The following SLC24A3 variants were observed in gnomAD, a reference collection of about 807,000 sequenced individuals.
SLC24A3 encodes sodium/potassium/calcium exchanger 3.
Under a neutral mutation model 75.8 loss-of-function variants are expected in SLC24A3, and 28 were observed. That is an observed-to-expected ratio of 0.37 (90% confidence interval 0.27 to 0.51). The LOEUF (loss-of-function observed/expected upper bound fraction) is 0.51, where lower values mean the gene tolerates loss of function less well. Ranked by LOEUF, SLC24A3 falls within the 20% of genes least tolerant of loss-of-function variation. SLC24A3 has a pLI of 0.94. For synonymous variants in SLC24A3, 372 were observed against 334.1 expected (o/e 1.11, Z -1.24); for missense variants, 663 against 847.8 (o/e 0.78, Z 2.71).
chr20:19,382,608 G>A (rs1353915839), intron 2 of SLC24A3, among the ~76,000 whole-genome samples: 1 of 152,098 alleles, frequency 6.6e-6, no homozygotes, highest in Non-Finnish European at 1.5e-5. Context: ...TCTCTGCTTG[G>A]CTCCTGTCTC....
intron 3 of SLC24A3, among the ~76,000 whole-genome samples, chr20:19,553,445 T>C (rs1358148600): frequency 6.6e-6 from 1 of 152,080 alleles, no homozygotes; most frequent in East Asian, 1.9e-4. Flanking sequence ...AAATGAGAAA[T>C]CTCATGTATG....
intron 16 of SLC24A3, 22 bp downstream of exon 16, chr20:19,717,615 C>T (rs183638900): frequency 2.6e-4 from 414 of 1,613,808 alleles, no homozygotes; most frequent in Non-Finnish European, 3.3e-4. Flanking sequence ...GCTCTCTCCT[C>T]GTACTTGTGT....
At chr20:19,398,155 T>C (rs1316632948) in intron 2 of SLC24A3, among the ~76,000 whole-genome samples, 1 of 152,180 alleles carries the variant, frequency 6.6e-6, no homozygotes, top group Non-Finnish European at 1.5e-5. Context: ...TGACTTCCCA[T>C]TGATATACCT....
At chr20:19,325,802 A>AT (rs1984842748) in intron 2 of SLC24A3, among the ~76,000 whole-genome samples, 1 of 76,670 alleles carries the variant, frequency 1.3e-5, no homozygotes, top group African/African-American at 6.6e-5. Context: ...ATATAGAGAG[A>AT]GAGAGAGAGA....
At chr20:19,428,003 C>T (rs1987040380) in intron 2 of SLC24A3, among the ~76,000 whole-genome samples, 1 of 152,192 alleles carries the variant, frequency 6.6e-6, no homozygotes, top group African/African-American at 2.4e-5. Flanking sequence ...AGGGATCTTG[C>T]GTTGCTGTGC....
chr20:19,554,713 A>G (rs1326735474), intron 3 of SLC24A3, among the ~76,000 whole-genome samples: 1 of 152,228 alleles, frequency 6.6e-6, no homozygotes, highest in African/African-American at 2.4e-5. Flanking sequence ...CCAGAGTAAT[A>G]CATCAGGGGC....
intron 7 of SLC24A3, among the ~76,000 whole-genome samples, chr20:19,661,144 C>T (rs1381220180): frequency 2.0e-5 from 3 of 152,146 alleles, no homozygotes; most frequent in Non-Finnish European, 4.4e-5. Context: ...CAAACATAGT[C>T]CTTTCAGTTT....
chr20:19,246,520 T>C (rs1307721626), intron 1 of SLC24A3, among the ~76,000 whole-genome samples: 1 of 152,112 alleles, frequency 6.6e-6, no homozygotes, highest in East Asian at 1.9e-4. Flanking sequence ...ACCGACATAT[T>C]AGGCAACTCA....
chr20:19,607,960 G>A (rs2031619873), intron 6 of SLC24A3, among the ~76,000 whole-genome samples: 1 of 152,164 alleles, frequency 6.6e-6, no homozygotes, highest in East Asian at 1.9e-4. Context: ...TCTTACCTTT[G>A]TTGTCTTACC....
intron 2 of SLC24A3, among the ~76,000 whole-genome samples, chr20:19,281,754 G>T (rs1983669890): frequency 6.6e-6 from 1 of 152,208 alleles, no homozygotes; most frequent in Non-Finnish European, 1.5e-5. Flanking sequence ...CCTGGAGTCA[G>T]TAAACTTGTT....
chr20:19,477,829 C>G (rs572532189), intron 2 of SLC24A3, among the ~76,000 whole-genome samples: 1 of 152,194 alleles, frequency 6.6e-6, no homozygotes, highest in Non-Finnish European at 1.5e-5. Context: ...CTGTGTGATA[C>G]AAAACCATTA....
Position 19,721,144 on chromosome 20 carries a change from G to T in SLC24A3, c.*4G>T. The T allele has an allele frequency of 1.2e-6, 2 of 1,613,754 alleles. No individual in the cohort carries two copies. The highest frequency in any genetic ancestry group is 2.2e-5 in the East Asian group (1 of 44,860). On this transcript the variant is annotated 3_prime_UTR_variant, in exon 17 of 17. Coordinates refer to ENST00000328041, the MANE Select transcript of SLC24A3 (RefSeq NM_020689.4). ...GCCCATGTGCGGGGACCACTGAGCC[G>T]CCGGGTGCCCACAGAGGCTCAGCTC...
chr20:19,500,716 AC>A (rs1173820564), intron 2 of SLC24A3, among the ~76,000 whole-genome samples: 4 of 152,130 alleles, frequency 2.6e-5, no homozygotes, highest in African/African-American at 9.7e-5. Flanking sequence ...ATTTTACCCC[AC>A]CCACTGCATG....
chr20:19,219,317 A>G (rs1981646216), intron 1 of SLC24A3, among the ~76,000 whole-genome samples: 1 of 152,064 alleles, frequency 6.6e-6, no homozygotes, highest in Non-Finnish European at 1.5e-5. Context: ...AAGCTCTCTC[A>G]GTGGGATCCC....
At chr20:19,654,641 CTTTTTTTTTT>C (rs34507566) in intron 7 of SLC24A3, among the ~76,000 whole-genome samples, 1 of 89,950 alleles carries the variant, frequency 1.1e-5, no homozygotes, top group African/African-American at 4.6e-5. Flanking sequence ...AAATAGAATC[CTTTTTTTTTT>C]TTTTTTTTTT....
intron 1 of SLC24A3, among the ~76,000 whole-genome samples, chr20:19,261,357 G>A (rs1982980067): frequency 6.6e-6 from 1 of 152,126 alleles, no homozygotes; most frequent in African/African-American, 2.4e-5. Flanking sequence ...TTTACTTTTA[G>A]AGACAAGGTC....
chr20:19,335,405 C>T (rs1278378954), intron 2 of SLC24A3, among the ~76,000 whole-genome samples: 1 of 152,126 alleles, frequency 6.6e-6, no homozygotes, highest in Non-Finnish European at 1.5e-5. Flanking sequence ...ACAGTTTTTT[C>T]GAGGACCACT....
At chr20:19,442,646 T>A (rs1343722045) in intron 2 of SLC24A3, among the ~76,000 whole-genome samples, 1 of 152,222 alleles carries the variant, frequency 6.6e-6, no homozygotes, top group Non-Finnish European at 1.5e-5. Flanking sequence ...ATTCACCCAG[T>A]CTGTGGCTTG....
chr20:19,335,495 T>A (rs1177040492), intron 2 of SLC24A3, among the ~76,000 whole-genome samples: 1 of 152,196 alleles, frequency 6.6e-6, no homozygotes, highest in Non-Finnish European at 1.5e-5. Flanking sequence ...GATAAGGAAT[T>A]CATTCCTGTA....
Sources: gnomAD v4.1 joint callset for allele counts (sites outside exome capture counted in the v4.1 genomes callset) on GRCh38, gnomAD v4.1.1 for gene constraint, MANE v1.5 for transcripts, NCBI Gene and HGNC (gene_info 2026-07-23, HGNC 2026-07-21) for gene names.